Variants in CHSY3 observed in about 807,000 individuals in gnomAD.
CHSY3 encodes the protein N-acetylgalactosaminyl-proteoglycan 3-beta-glucuronosyltransferase 3.
Under a neutral mutation model 67.2 loss-of-function variants are expected in CHSY3, and 35 were observed. The observed-to-expected ratio is 0.52, with a 90% CI of 0.40 to 0.69. The LOEUF (loss-of-function observed/expected upper bound fraction) is 0.69. Ranked by LOEUF, CHSY3 falls within the 30% of genes least tolerant of loss-of-function variation. The pLI is 0.00. For missense variants in CHSY3, 1,069 were observed against 1,138.5 expected (o/e 0.94, Z 0.88); for synonymous variants, 474 against 434.7 (o/e 1.09, Z -1.12).
chr5:130,158,136 ATGTT>A (rs1310157752), intron 2 of CHSY3, among the ~76,000 whole-genome samples: 6 of 152,110 alleles, frequency 3.9e-5, no homozygotes, highest in Non-Finnish European at 8.8e-5. Context: ...TGTTACATGT[ATGTT>A]GTGCTGATTT....
intron 2 of CHSY3, among the ~76,000 whole-genome samples, chr5:130,100,410 T>A (rs1166521460): frequency 6.6e-6 from 1 of 151,166 alleles, no homozygotes; most frequent in Non-Finnish European, 1.5e-5. Flanking sequence ...TTAGCCAGGA[T>A]GGTCTCGATC....
chr5:130,166,777 T>G (rs1357268111), intron 2 of CHSY3, among the ~76,000 whole-genome samples: 2 of 152,154 alleles, frequency 1.3e-5, no homozygotes, highest in African/African-American at 4.8e-5. Flanking sequence ...ATCATAAAGC[T>G]TTAATGTTAA....
At chr5:129,948,668 A>G (rs75000103) in intron 2 of CHSY3, among the ~76,000 whole-genome samples, 1 of 152,148 alleles carries the variant, frequency 6.6e-6, no homozygotes, top group South Asian at 2.1e-4. Context: ...TATCTTTTCC[A>G]TATAATGACT....
chr5:129,983,805 A>G (rs1763092087), intron 2 of CHSY3, among the ~76,000 whole-genome samples: 1 of 152,110 alleles, frequency 6.6e-6, no homozygotes, highest in Non-Finnish European at 1.5e-5. Flanking sequence ...AAATGAATTC[A>G]GCCCAAAGAA....
intron 2 of CHSY3, among the ~76,000 whole-genome samples, chr5:130,094,400 C>CT (rs1046280951): frequency 1.3e-5 from 2 of 152,168 alleles, no homozygotes; most frequent in African/African-American, 2.4e-5. Flanking sequence ...ACCTGTTGGA[C>CT]TTTTTCTGTG....
intron 2 of CHSY3, among the ~76,000 whole-genome samples, chr5:130,020,159 G>A (rs1027460245): frequency 2.0e-5 from 3 of 151,766 alleles, no homozygotes; most frequent in East Asian, 1.9e-4. Context: ...GGCTCACGCC[G>A]GTAGTCCCAG....
At chr5:129,989,139 A>T (rs979134024) in intron 2 of CHSY3, among the ~76,000 whole-genome samples, 1 of 152,150 alleles carries the variant, frequency 6.6e-6, no homozygotes, top group African/African-American at 2.4e-5. Flanking sequence ...TTACTGGCTG[A>T]CGGTTCTGGT....
At chr5:130,051,512 A>G (rs901955002) in intron 2 of CHSY3, among the ~76,000 whole-genome samples, 3 of 152,114 alleles carry the variant, frequency 2.0e-5, no homozygotes, top group Admixed American at 2.0e-4. Context: ...AACTCATACC[A>G]CATGGTATAT....
chr5:130,183,918 A>G (rs996995956), intron 2 of CHSY3, among the ~76,000 whole-genome samples: 2 of 151,586 alleles, frequency 1.3e-5, no homozygotes, highest in Non-Finnish European at 2.9e-5. Flanking sequence ...CACAATAATA[A>G]CTATGTGAGG....
chr5:130,140,956 TG>T, intron 2 of CHSY3: 1 of 836,692 alleles, frequency 1.2e-6, no homozygotes, highest in Non-Finnish European at 1.5e-6. Context: ...ACCTGTTCCA[TG>T]GCACTCTAGA....
rs141025375 is a variant in CHSY3, at chr5:129,914,859, G to C, written c.1086+6499G>C. 4.6e-4 allele frequency among the ~76,000 whole-genome samples: 70 copies of C among 152,254 alleles called. 1 individual carries two copies. In the East Asian group the frequency reaches 9.3e-3, roughly 20 times the overall value. On this transcript the variant is annotated intron_variant, in intron 2 of 2. Transcript: ENST00000305031. ...TTACTACAATTATGAAAAATGTTAA[G>C]TTTGGAAGATGCCTACAGGCAATTC...
At chr5:130,023,243 AAG>A (rs1226074471) in intron 2 of CHSY3, among the ~76,000 whole-genome samples, 1 of 151,968 alleles carries the variant, frequency 6.6e-6, no homozygotes, top group African/African-American at 2.4e-5. Flanking sequence ...AAGGAAAAAA[AAG>A]AGGTTATAGT....
intron 2 of CHSY3, among the ~76,000 whole-genome samples, chr5:129,980,083 C>T (rs1762939865): frequency 6.6e-6 from 1 of 152,114 alleles, no homozygotes; most frequent in Non-Finnish European, 1.5e-5. Context: ...TATGGACATA[C>T]GTTTTTAACT....
At chr5:130,029,461 G>A (rs1010122415) in intron 2 of CHSY3, among the ~76,000 whole-genome samples, 16 of 151,990 alleles carry the variant, frequency 1.1e-4, no homozygotes, top group Non-Finnish European at 1.8e-4. Flanking sequence ...TAGACTGTCT[G>A]CCCCAAGCCC....
chr5:129,938,543 G>A (rs968571465), intron 2 of CHSY3, among the ~76,000 whole-genome samples: 11 of 152,200 alleles, frequency 7.2e-5, no homozygotes, highest in African/African-American at 2.2e-4. Context: ...GAGCATATGC[G>A]GTTAGAAGCA....
At chr5:130,107,821 C>A (rs546023335) in intron 2 of CHSY3, among the ~76,000 whole-genome samples, 1 of 151,548 alleles carries the variant, frequency 6.6e-6, no homozygotes, top group East Asian at 1.9e-4. Flanking sequence ...TCCACCCTGC[C>A]CCACAATCAC....
chr5:130,094,706 G>T (rs1766989871), intron 2 of CHSY3, among the ~76,000 whole-genome samples: 1 of 152,068 alleles, frequency 6.6e-6, no homozygotes, highest in Admixed American at 6.6e-5. Flanking sequence ...GAAGTGGCAG[G>T]GGGGTAGAAC....
intron 2 of CHSY3, among the ~76,000 whole-genome samples, chr5:130,106,295 T>A (rs891077519): frequency 6.6e-5 from 10 of 151,662 alleles, no homozygotes; most frequent in Non-Finnish European, 1.3e-4. Context: ...TTCATATAAT[T>A]TTGCTGCTTT....
intron 2 of CHSY3, among the ~76,000 whole-genome samples, chr5:129,932,575 G>T (rs1265036267): frequency 1.3e-5 from 2 of 152,072 alleles, no homozygotes; most frequent in East Asian, 1.9e-4. Context: ...AATAATCAAT[G>T]GTTTATAACT....
Sources: allele counts gnomAD v4.1 joint callset (sites outside exome capture counted in the v4.1 genomes callset), GRCh38; gene constraint gnomAD v4.1.1; transcripts MANE v1.5; gene names NCBI Gene and HGNC (gene_info 2026-07-23, HGNC 2026-07-21).